GRID2: variants seen among roughly 807,000 people sequenced by gnomAD.
GRID2 encodes glutamate ionotropic receptor delta type subunit 2, also known as glutamate receptor ionotropic, delta-2.
In GRID2, 33 loss-of-function variants were observed where a neutral mutation model predicts 114.8. That is an observed-to-expected ratio of 0.29 (90% CI 0.22 to 0.38). The LOEUF is 0.38. Among genes scored for constraint, GRID2 ranks in the 10% least tolerant of loss-of-function variants. GRID2 has a pLI of 1.00. For missense variants in GRID2, 1,184 were observed against 1,257.7 expected (o/e 0.94, Z 0.89); for synonymous variants, 505 against 449.9 (o/e 1.12, Z -1.55).
chr4:93,414,072 A>T (rs934237503), intron 9 of GRID2, among the ~76,000 whole-genome samples: 1 of 152,204 alleles, frequency 6.6e-6, no homozygotes. Context: ...AGGAAGTATG[A>T]GATGGTGTTG....
chr4:93,707,708 A>C (rs1354020546), intron 14 of GRID2, among the ~76,000 whole-genome samples: 1 of 150,334 alleles, frequency 6.7e-6, no homozygotes, highest in East Asian at 1.9e-4. Flanking sequence ...TCTGATCTTT[A>C]TTATTTCTTT....
chr4:92,736,276 A>C (rs898542366), intron 2 of GRID2, among the ~76,000 whole-genome samples: 3 of 152,232 alleles, frequency 2.0e-5, no homozygotes, highest in Non-Finnish European at 2.9e-5. Context: ...AGAAGCATTT[A>C]AAAGTTGGAA....
chr4:93,298,076 A>G (rs938086280), intron 8 of GRID2, among the ~76,000 whole-genome samples: 1 of 152,138 alleles, frequency 6.6e-6, no homozygotes, highest in Admixed American at 6.5e-5. Context: ...ATGTTTAATA[A>G]TGCTTTTAGG....
At chr4:93,799,723 T>C (rs1167158678) in intron 1 of GRID2, among the ~76,000 whole-genome samples, 1 of 152,198 alleles carries the variant, frequency 6.6e-6, no homozygotes, top group Non-Finnish European at 1.5e-5. Flanking sequence ...ATCTCAAGTA[T>C]ATCCTTTGTT....
intron 2 of GRID2, among the ~76,000 whole-genome samples, chr4:92,710,009 GTAAA>G (rs1334698825): frequency 6.6e-6 from 1 of 151,960 alleles, no homozygotes; most frequent in Non-Finnish European, 1.5e-5. Context: ...AAATTTGAAA[GTAAA>G]TTAATTTTAA....
In GRID2 at chr4:92,747,368, G is replaced by GA. The variant is rs1205445876; in HGVS notation, c.244+157088dup. Among the ~76,000 whole-genome samples the GA allele has an allele frequency of 2.0e-5, 3 of 151,896 alleles. No homozygotes were observed. In the East Asian group the frequency reaches 5.8e-4, roughly 29 times the overall value. ...TATTCAGGGAATGTTGAATATACTA[G>GA]AAAAAATAAATTCCCCTAAAAGCTA... On this transcript the variant is annotated intron_variant, in intron 2 of 15. Coordinates refer to ENST00000282020, the MANE Select transcript of GRID2 (RefSeq NM_001510.4).
chr4:92,595,261 T>G (rs1432651199), intron 2 of GRID2, among the ~76,000 whole-genome samples: 2 of 151,954 alleles, frequency 1.3e-5, no homozygotes, highest in African/African-American at 4.8e-5. Context: ...TCATTATAAT[T>G]TAAAAACACA....
chr4:92,887,597 C>G (rs555159656), intron 2 of GRID2, among the ~76,000 whole-genome samples: 1 of 152,166 alleles, frequency 6.6e-6, no homozygotes, highest in African/African-American at 2.4e-5. Context: ...TGATGGTTTT[C>G]ATATCATGGT....
At chr4:92,600,938 C>T (rs1256519970) in intron 2 of GRID2, among the ~76,000 whole-genome samples, 1 of 152,208 alleles carries the variant, frequency 6.6e-6, no homozygotes, top group Non-Finnish European at 1.5e-5. Context: ...GCTGGGGGCA[C>T]TCCCATACAT....
intron 8 of GRID2, among the ~76,000 whole-genome samples, chr4:93,356,410 AT>A (rs141375744): frequency 0.053 from 8,021 of 151,138 alleles, 699 homozygotes; most frequent in African/African-American, 0.18. Flanking sequence ...CAAAGAATAA[AT>A]TTTTTTTTCA....
intron 2 of GRID2, among the ~76,000 whole-genome samples, chr4:93,035,000 A>G (rs1414141230): frequency 2.0e-5 from 3 of 152,210 alleles, no homozygotes; most frequent in Non-Finnish European, 2.9e-5. Context: ...ACATTAAAAA[A>G]TAGAAGTAGC....
intron 2 of GRID2, chr4:92,822,051 C>A (rs1250613636): frequency 1.3e-5 from 3 of 235,018 alleles, no homozygotes; most frequent in Non-Finnish European, 2.6e-5. Flanking sequence ...GCAGTCTGGC[C>A]ATCAGCAGAC....
chr4:92,723,502 A>G (rs763145987), intron 2 of GRID2, among the ~76,000 whole-genome samples: 21 of 152,306 alleles, frequency 1.4e-4, no homozygotes, highest in Non-Finnish European at 2.5e-4. Flanking sequence ...TATCTTGCCT[A>G]CAGCTCAGAA....
intron 8 of GRID2, among the ~76,000 whole-genome samples, chr4:93,250,076 C>A (rs1280317968): frequency 6.6e-6 from 1 of 152,128 alleles, no homozygotes; most frequent in Non-Finnish European, 1.5e-5. Flanking sequence ...TTCACAATAG[C>A]AAAGATTTGG....
chr4:93,204,717 A>C (rs1019705391), intron 4 of GRID2, among the ~76,000 whole-genome samples: 1 of 152,196 alleles, frequency 6.6e-6, no homozygotes, highest in Non-Finnish European at 1.5e-5. Flanking sequence ...CCAACAAGTT[A>C]TCATCATAAC....
rs566030964 is a variant in GRID2, at chr4:92,749,203, C to T, written c.244+158917C>T. Reference sequence around the variant, plus strand: ...ATTTTTAGTAGAGACGGGGCTTCACCATGTTGGCCAGGATGGTCTCGATCT... The same window carrying T: ...ATTTTTAGTAGAGACGGGGCTTCACTATGTTGGCCAGGATGGTCTCGATCT... On this transcript the variant is annotated intron_variant, in intron 2 of 15. Transcript: ENST00000282020. Among the ~76,000 whole-genome samples, 17 of 151,770 alleles carry T rather than the reference C, an allele frequency of 1.1e-4. No individual in the cohort carries two copies. In the South Asian group the frequency reaches 3.5e-3, roughly 32 times the overall value.
chr4:92,570,805 T>A (rs1310170757), intron 1 of GRID2, among the ~76,000 whole-genome samples: 1 of 152,078 alleles, frequency 6.6e-6, no homozygotes, highest in African/African-American at 2.4e-5. Context: ...ATTTTTATCT[T>A]GAGACTTTGC....
rs140492629 is a variant in GRID2 at position 93,154,601 on chromosome 4, A to G, written c.735+43648A>G. Among the ~76,000 whole-genome samples the G allele has an allele frequency of 9.1e-3, 1,383 of 152,136 alleles. 12 individuals are homozygous for G. Among genetic ancestry groups the G allele is most frequent in the South Asian group, 0.022 (105 of 4,830 alleles). On this transcript the variant is annotated intron_variant, in intron 4 of 15. Coordinates refer to ENST00000282020, the MANE Select transcript of GRID2 (RefSeq NM_001510.4). ...TACAGTAAGTAAGACATAATTTTTT[A>G]TATAATAATTCTTCTAGGTAAAGAA...
chr4:93,570,839 A>G (rs1041472601), intron 13 of GRID2, among the ~76,000 whole-genome samples: 5 of 152,198 alleles, frequency 3.3e-5, no homozygotes, highest in African/African-American at 1.2e-4. Flanking sequence ...CTAGCTGTAG[A>G]TGGCTGGGCA....
Sources: gnomAD v4.1 joint callset for allele counts (sites outside exome capture counted in the v4.1 genomes callset) on GRCh38, gnomAD v4.1.1 for gene constraint, MANE v1.5 for transcripts, NCBI Gene and HGNC (gene_info 2026-07-23, HGNC 2026-07-21) for gene names.